Variants in MCTP1 observed in about 807,000 individuals in gnomAD.
MCTP1 encodes multiple C2 and transmembrane domain containing 1.
A neutral mutation model predicts 120.6 loss-of-function variants in MCTP1; 69 were observed. That is an observed-to-expected ratio of 0.57 (90% CI 0.47 to 0.70). The LOEUF is 0.70. Ranked by LOEUF, MCTP1 falls within the 30% of genes least tolerant of loss-of-function variation. MCTP1 has a pLI of 0.00. For missense variants in MCTP1, 1,203 were observed against 1,248.8 expected (o/e 0.96, Z 0.55); for synonymous variants, 529 against 493.1 (o/e 1.07, Z -0.96).
intron 1 of MCTP1, among the ~76,000 whole-genome samples, chr5:95,047,696 G>T (rs1744915876): frequency 6.6e-6 from 1 of 152,004 alleles, no homozygotes; most frequent in African/African-American, 2.4e-5. Context: ...CCTAGCTAAG[G>T]TATTTATTTC....
At chr5:95,154,771 A>G (rs1013859213) in intron 1 of MCTP1, among the ~76,000 whole-genome samples, 3 of 152,066 alleles carry the variant, frequency 2.0e-5, no homozygotes, top group African/African-American at 7.2e-5. Flanking sequence ...TTTATAATAT[A>G]CCTTTCATAA....
chr5:95,148,186 T>A (rs1760585141), intron 1 of MCTP1, among the ~76,000 whole-genome samples: 1 of 152,166 alleles, frequency 6.6e-6, no homozygotes, highest in Non-Finnish European at 1.5e-5. Context: ...TGGGGATGAT[T>A]GTCTTGTATA....
intron 1 of MCTP1, among the ~76,000 whole-genome samples, chr5:95,171,406 A>C (rs1042619854): frequency 1.3e-5 from 2 of 152,058 alleles, no homozygotes; most frequent in Non-Finnish European, 2.9e-5. Flanking sequence ...TGCCCTTCTC[A>C]AGGAGTATCT....
At chr5:94,823,422 T>G (rs1786148092) in intron 17 of MCTP1, among the ~76,000 whole-genome samples, 1 of 152,194 alleles carries the variant, frequency 6.6e-6, no homozygotes, top group Non-Finnish European at 1.5e-5. Context: ...TTGGTACCAG[T>G]ACCATGCCAC....
At chr5:94,732,327 ATTT>A (rs984152507) in intron 19 of MCTP1, among the ~76,000 whole-genome samples, 1 of 147,176 alleles carries the variant, frequency 6.8e-6, no homozygotes, top group African/African-American at 2.5e-5. Flanking sequence ...AGACTTCGTG[ATTT>A]TTTTTTTTCT....
chr5:94,975,854 T>C (rs1167032795), intron 2 of MCTP1, among the ~76,000 whole-genome samples: 1 of 152,228 alleles, frequency 6.6e-6, no homozygotes, highest in Non-Finnish European at 1.5e-5. Context: ...TAGGCCTTTT[T>C]CTTACACTCC....
chr5:95,271,181 T>C (rs17602828), intron 1 of MCTP1, among the ~76,000 whole-genome samples: 6,077 of 152,300 alleles, frequency 0.04, 200 homozygotes, highest in Non-Finnish European at 0.058. Context: ...ATTCAGGATA[T>C]AATCCAGATA....
chr5:95,153,049 T>C (rs1019986939), intron 1 of MCTP1, among the ~76,000 whole-genome samples: 4 of 152,178 alleles, frequency 2.6e-5, no homozygotes, highest in African/African-American at 9.7e-5. Context: ...TATGCCATTA[T>C]AGTAATCATT....
At chr5:94,847,277 G>A (rs184692853) in intron 17 of MCTP1, among the ~76,000 whole-genome samples, 14 of 152,156 alleles carry the variant, frequency 9.2e-5, no homozygotes, top group East Asian at 7.7e-4. Flanking sequence ...TGGCTCTTAC[G>A]TTCTGACTAA....
At chr5:94,738,495 C>T (rs925669116) in intron 19 of MCTP1, among the ~76,000 whole-genome samples, 1 of 152,184 alleles carries the variant, frequency 6.6e-6, no homozygotes, top group Non-Finnish European at 1.5e-5. Flanking sequence ...ACTCACCAGC[C>T]TGTCCCCCCA....
In MCTP1 at chr5:95,217,596, A is replaced by T. The variant is rs532199504; in HGVS notation, c.720+66260T>A. ...AGTCAGACAACATTCGCTGTAATTA[A>T]TTTCTGTGAGAACAATGGGGCATTA... On this transcript the variant is annotated intron_variant, in intron 1 of 22. Transcript: ENST00000515393. 2.0e-3 allele frequency among the ~76,000 whole-genome samples: 308 copies of T among 152,304 alleles called. 1 individual carries two copies. The highest frequency in any genetic ancestry group is 2.2e-3 in the Non-Finnish European group (147 of 68,030).
chr5:95,032,212 GA>G (rs1840433386), intron 1 of MCTP1, among the ~76,000 whole-genome samples: 1 of 151,928 alleles, frequency 6.6e-6, no homozygotes, highest in African/African-American at 2.4e-5. Flanking sequence ...AGAAACTCTG[GA>G]CTTAAATTGG....
intron 1 of MCTP1, among the ~76,000 whole-genome samples, chr5:95,028,988 G>C (rs1839802543): frequency 6.6e-6 from 1 of 151,978 alleles, no homozygotes. Context: ...GTGAAACCCA[G>C]TCTCTACTAA....
In MCTP1 at chr5:94,818,768, G is replaced by A. The variant is rs534269195; in HGVS notation, c.2437-19636C>T. ...TAATCCAATCTGTGTTCTGGCAAGT[G>A]TGAGACTTACCTTCCTGCTACCTGT... On this transcript the variant is annotated intron_variant, in intron 17 of 22. Coordinates refer to ENST00000515393, the MANE Select transcript of MCTP1 (RefSeq NM_024717.7). Among the ~76,000 whole-genome samples the A allele has an allele frequency of 7.7e-4, 117 of 152,308 alleles. 1 individual carries two copies. The highest frequency in any genetic ancestry group is 2.4e-3 in the African/African-American group (100 of 41,558).
At chr5:94,994,340 G>A (rs1832192098) in intron 2 of MCTP1, among the ~76,000 whole-genome samples, 1 of 152,180 alleles carries the variant, frequency 6.6e-6, no homozygotes, top group Non-Finnish European at 1.5e-5. Flanking sequence ...GAGGAATTCT[G>A]TGGTCTGTGT....
intron 18 of MCTP1, chr5:94,788,970 G>C (rs1181372475): frequency 6.6e-6 from 1 of 152,166 alleles, no homozygotes; most frequent in Non-Finnish European, 1.5e-5. Flanking sequence ...AGGATTTGAG[G>C]GGTTTAGGAA....
chr5:95,177,400 T>C (rs931736002), intron 1 of MCTP1, among the ~76,000 whole-genome samples: 1 of 152,198 alleles, frequency 6.6e-6, no homozygotes, highest in Non-Finnish European at 1.5e-5. Flanking sequence ...GTTGAAATAA[T>C]TCTATGATCC....
chr5:94,957,946 C>A (rs1823060057), intron 2 of MCTP1, among the ~76,000 whole-genome samples: 1 of 152,292 alleles, frequency 6.6e-6, no homozygotes, highest in Non-Finnish European at 1.5e-5. Context: ...GAATTCTCCA[C>A]CCCAGATCAA....
intron 19 of MCTP1, among the ~76,000 whole-genome samples, chr5:94,748,555 T>C (rs1767472455): frequency 1.3e-5 from 2 of 152,254 alleles, no homozygotes; most frequent in Non-Finnish European, 2.9e-5. Context: ...GATTCAAATC[T>C]TTGACTGGAA....
Sources: gnomAD v4.1 joint callset for allele counts (sites outside exome capture counted in the v4.1 genomes callset) on GRCh38, gnomAD v4.1.1 for gene constraint, MANE v1.5 for transcripts, NCBI Gene and HGNC (gene_info 2026-07-23, HGNC 2026-07-21) for gene names.